The following LRRC4C variants were observed in gnomAD, a reference collection of about 807,000 sequenced individuals.
LRRC4C encodes the protein leucine rich repeat containing 4C, also known as leucine-rich repeat-containing protein 4C.
Under a neutral mutation model 33.6 loss-of-function variants are expected in LRRC4C, and 5 were observed. That is an observed-to-expected ratio of 0.15 (90% CI 0.08 to 0.31). LRRC4C has a LOEUF of 0.31. LRRC4C is among the 10% of genes least tolerant of loss of function. LRRC4C has a pLI of 1.00. For missense variants in LRRC4C, 560 were observed against 796.7 expected (o/e 0.70, Z 3.58); for synonymous variants, 329 against 302.0 (o/e 1.09, Z -0.93).
chr11:41,164,311 T>A (rs892686969), intron 1 of LRRC4C, among the ~76,000 whole-genome samples: 2 of 151,960 alleles, frequency 1.3e-5, no homozygotes, highest in African/African-American at 4.8e-5. Flanking sequence ...CACATCTTGT[T>A]CCAGTAGAAA....
At chr11:41,343,215 T>C (rs990901568) in intron 1 of LRRC4C, among the ~76,000 whole-genome samples, 3 of 152,202 alleles carry the variant, frequency 2.0e-5, no homozygotes, top group Non-Finnish European at 4.4e-5. Context: ...GGGACCACAA[T>C]TCAACCCACA....
intron 3 of LRRC4C, among the ~76,000 whole-genome samples, chr11:40,627,083 T>G (rs1399346400): frequency 6.6e-6 from 1 of 151,622 alleles, no homozygotes; most frequent in African/African-American, 2.4e-5. Context: ...TGTTTTTTTT[T>G]TTTTTTTTTT....
At chr11:40,189,741 T>C (rs1362831415) in intron 5 of LRRC4C, among the ~76,000 whole-genome samples, 2 of 152,220 alleles carry the variant, frequency 1.3e-5, no homozygotes, top group Non-Finnish European at 2.9e-5. Context: ...TGTGCCAATT[T>C]GAGGGCAGTT....
At chr11:40,578,166 T>TTTTTTTTTTTTTTTTTTTA in intron 3 of LRRC4C, among the ~76,000 whole-genome samples, 1 of 125,454 alleles carries the variant, frequency 8.0e-6, no homozygotes, top group Non-Finnish European at 1.7e-5. Flanking sequence ...TTTTTTTTTT[T>TTTTTTTTTTTTTTTTTTTA]TTTTGCCTCT....
Position 40,738,442 on chromosome 11 carries a change from G to A in LRRC4C, c.-406-90164C>T, listed in dbSNP as rs1947994161. Among the ~76,000 whole-genome samples, 3 of 151,994 alleles carry A rather than the reference G, an allele frequency of 2.0e-5. No homozygotes were observed. In the South Asian group the frequency reaches 6.2e-4, roughly 32 times the overall value. On this transcript the variant is annotated intron_variant, in intron 2 of 6. Transcript: ENST00000528697. ...GTACTATCTCTCTTCTATTTCTAAT[G>A]TCTCTCTAGAGGACTCTGACTAATA...
At chr11:40,336,086 A>G (rs1167044160) in intron 3 of LRRC4C, among the ~76,000 whole-genome samples, 1 of 152,194 alleles carries the variant, frequency 6.6e-6, no homozygotes, top group Non-Finnish European at 1.5e-5. Context: ...TAGAGTTTTT[A>G]GTAGAGTACT....
chr11:40,468,611 T>A (rs1473488785), intron 3 of LRRC4C, among the ~76,000 whole-genome samples: 1 of 152,102 alleles, frequency 6.6e-6, no homozygotes, highest in Non-Finnish European at 1.5e-5. Flanking sequence ...TGTGAGTGTG[T>A]GAGTTTAACA....
intron 1 of LRRC4C, among the ~76,000 whole-genome samples, chr11:41,193,963 T>C (rs1001602772): frequency 3.3e-5 from 5 of 151,938 alleles, no homozygotes; most frequent in African/African-American, 1.2e-4. Flanking sequence ...GTGTGCCTAC[T>C]GGTCTTGCCT....
At chr11:40,899,007 A>G (rs1229650347) in intron 2 of LRRC4C, among the ~76,000 whole-genome samples, 1 of 152,140 alleles carries the variant, frequency 6.6e-6, no homozygotes, top group Non-Finnish European at 1.5e-5. Flanking sequence ...TTGACCACAG[A>G]ATATACTGCA....
chr11:40,997,808 ATGTGT>A (rs1218699644), intron 1 of LRRC4C, among the ~76,000 whole-genome samples: 1 of 152,112 alleles, frequency 6.6e-6, no homozygotes, highest in African/African-American at 2.4e-5. Context: ...ATTTACTAAG[ATGTGT>A]TGTGAGATGT....
At position 40,495,813 on chromosome 11, in the gene LRRC4C, G is replaced by GTTTTTTTTTTT. The variant is rs77683172; in HGVS notation, c.-270+152318_-270+152328dup. Among the ~76,000 whole-genome samples, 177 of 67,002 alleles carry GTTTTTTTTTTT rather than the reference G, an allele frequency of 2.6e-3. 41 individuals carry two copies. The highest frequency in any genetic ancestry group is 3.5e-3 in the Non-Finnish European group (127 of 36,088). The allele number at this position is 67,002 out of a possible 152,430, so 44.0% of individuals were successfully genotyped here. A position where few individuals can be genotyped will look rare whatever the true frequency, so the allele number is the denominator to read the frequency against. Reference sequence around the variant, plus strand: ...TTTTATTGAAGTTCTCAATAAACATGTTTTTTTTTTTTTTTTTTTTTTTTT... The same window carrying GTTTTTTTTTTT: ...TTTTATTGAAGTTCTCAATAAACATGTTTTTTTTTTTTTTTTTTTTTTTTTTTTTTTTTTTT... On this transcript the variant is annotated intron_variant, in intron 3 of 6. Coordinates refer to ENST00000528697, the MANE Select transcript of LRRC4C (RefSeq NM_001258419.2).
chr11:40,224,898 C>T (rs1354902479), intron 5 of LRRC4C, among the ~76,000 whole-genome samples: 1 of 152,200 alleles, frequency 6.6e-6, no homozygotes, highest in South Asian at 2.1e-4. Context: ...CCATCCTCTG[C>T]TGTCAGACAG....
intron 5 of LRRC4C, among the ~76,000 whole-genome samples, chr11:40,205,940 C>A (rs550705096): frequency 5.9e-5 from 9 of 152,182 alleles, no homozygotes; most frequent in African/African-American, 1.9e-4. Flanking sequence ...TCACAGCTCC[C>A]TTATATTCAA....
rs532501520 is a variant in LRRC4C, at chr11:40,837,366, A to G, written c.-407+96269T>C. ...TAATGCTTATTTAGAGTTAGCATTG[A>G]TTACAATTTATGTTTAGGATAAATC... On this transcript the variant is annotated intron_variant, in intron 2 of 6. Transcript: ENST00000528697. 4.6e-5 allele frequency among the ~76,000 whole-genome samples: 7 copies of G among 152,264 alleles called. No individual in the cohort carries two copies. In the South Asian group the frequency reaches 1.5e-3, roughly 32 times the overall value.
chr11:40,970,040 G>C lies in LRRC4C; in HGVS notation c.-495-36317C>G, dbSNP rs184412740. On this transcript the variant is annotated intron_variant, in intron 1 of 6. Transcript: ENST00000528697. ...CATAAGAACATGCCAATGCTAATGT[G>C]TTGGAGAATCAGAGCTATGAGAAGC... Among the ~76,000 whole-genome samples, 37 of 152,250 alleles carry C rather than the reference G, an allele frequency of 2.4e-4. 1 individual carries two copies. The highest frequency in any genetic ancestry group is 2.0e-3 in the Admixed American group (30 of 15,288).
intron 1 of LRRC4C, among the ~76,000 whole-genome samples, chr11:40,957,689 C>T (rs75116622): frequency 2.2e-4 from 33 of 151,772 alleles, no homozygotes; most frequent in African/African-American, 8.0e-4. Flanking sequence ...GGCTTATATC[C>T]ATTGCTCCTA....
At chr11:41,443,744 T>G (rs1590299563) in intron 1 of LRRC4C, among the ~76,000 whole-genome samples, 3 of 151,244 alleles carry the variant, frequency 2.0e-5, no homozygotes, top group Middle Eastern at 6.9e-3. Flanking sequence ...GCCTCCTGAG[T>G]AGCTGGGATT....
chr11:40,617,073 A>T (rs1186306531), intron 3 of LRRC4C, among the ~76,000 whole-genome samples: 1 of 151,730 alleles, frequency 6.6e-6, no homozygotes, highest in Non-Finnish European at 1.5e-5. Flanking sequence ...CAGTTGTCTC[A>T]CCCACATCTA....
rs955173113 is a variant in LRRC4C, at chr11:40,704,558, G to C, written c.-406-56280C>G. ...TAGACTGTAGTGATTACAGAGTGTA[G>C]TGGTGAAGAGCAAGAAACCCGGGAA... On this transcript the variant is annotated intron_variant, in intron 2 of 6. Transcript: ENST00000528697. Among the ~76,000 whole-genome samples, 20 of 152,248 alleles carry C rather than the reference G, an allele frequency of 1.3e-4. No individual in the cohort carries two copies. The East Asian group carries it at 2.5e-3, about 19-fold the overall frequency.
Sources: allele counts gnomAD v4.1 joint callset (sites outside exome capture counted in the v4.1 genomes callset), GRCh38; gene constraint gnomAD v4.1.1; transcripts MANE v1.5; gene names NCBI Gene and HGNC (gene_info 2026-07-23, HGNC 2026-07-21).